Variants in SMAP1 observed in about 807,000 individuals in gnomAD.
SMAP1 encodes small ArfGAP 1.
In SMAP1, 24 loss-of-function variants were observed where a neutral mutation model predicts 58.5. That is an observed-to-expected ratio of 0.41 (90% CI 0.30 to 0.58). The LOEUF is 0.58. Among genes scored for constraint, SMAP1 ranks in the 20% least tolerant of loss-of-function variants. The probability of loss-of-function intolerance (pLI) is 0.29; values close to 1 mark genes in which losing one functional copy is unlikely to be tolerated. For synonymous variants in SMAP1, 216 were observed against 196.6 expected (o/e 1.10, Z -0.82); for missense variants, 563 against 566.3 (o/e 0.99, Z 0.06).
chr6:70,835,795 C>T (rs746802440), intron 6 of SMAP1, among the ~76,000 whole-genome samples: 1 of 152,156 alleles, frequency 6.6e-6, no homozygotes, highest in Non-Finnish European at 1.5e-5. Context: ...GTGTGAGTCA[C>T]TGCACTCAAC....
At chr6:70,709,020 A>T (rs12209357) in intron 1 of SMAP1, among the ~76,000 whole-genome samples, 66,043 of 151,836 alleles carry the variant, frequency 0.43, 14,708 homozygotes, top group South Asian at 0.5. Context: ...TCGCTGTGAT[A>T]TCTAGAAAAT....
intron 2 of SMAP1, among the ~76,000 whole-genome samples, chr6:70,734,073 A>C (rs996753918): frequency 1.3e-5 from 2 of 151,958 alleles, no homozygotes; most frequent in Non-Finnish European, 2.9e-5. Flanking sequence ...ATTGTATTTG[A>C]ACATTATTTG....
chr6:70,675,183 C>A (rs1581978469), intron 1 of SMAP1, among the ~76,000 whole-genome samples: 1 of 138,454 alleles, frequency 7.2e-6, no homozygotes, highest in Non-Finnish European at 1.5e-5. Context: ...CATATATACT[C>A]ACAAATTATA....
At chr6:70,714,867 G>T (rs1231748420) in intron 1 of SMAP1, among the ~76,000 whole-genome samples, 2 of 152,074 alleles carry the variant, frequency 1.3e-5, no homozygotes, top group Non-Finnish European at 2.9e-5. Context: ...GGACAGGATT[G>T]CTGGGTATAG....
intron 6 of SMAP1, among the ~76,000 whole-genome samples, chr6:70,808,901 C>CGT (rs1562176834): frequency 4.6e-4 from 33 of 71,492 alleles, no homozygotes; most frequent in African/African-American, 1.8e-3. Context: ...AGGCTGTTTC[C>CGT]CTGTGTGTGT....
intron 6 of SMAP1, among the ~76,000 whole-genome samples, chr6:70,806,593 G>T (rs1208937482): frequency 6.6e-6 from 1 of 152,188 alleles, no homozygotes; most frequent in East Asian, 1.9e-4. Flanking sequence ...CGTCGATCAT[G>T]CTAGGAGCTG....
intron 7 of SMAP1, among the ~76,000 whole-genome samples, chr6:70,848,140 T>C (rs755572753): frequency 6.6e-6 from 1 of 152,184 alleles, no homozygotes; most frequent in Admixed American, 6.5e-5. Flanking sequence ...GGGCCCATGA[T>C]CAAAAGGATG....
chr6:70,815,247 A>G (rs2149974975), intron 6 of SMAP1, among the ~76,000 whole-genome samples: 1 of 152,270 alleles, frequency 6.6e-6, no homozygotes, highest in South Asian at 2.1e-4. Flanking sequence ...TACCCAGAGG[A>G]CCAAAACTAT....
At chr6:70,714,757 G>C (rs988121991) in intron 1 of SMAP1, among the ~76,000 whole-genome samples, 1 of 152,000 alleles carries the variant, frequency 6.6e-6, no homozygotes, top group African/African-American at 2.4e-5. Context: ...ATTTCAACTT[G>C]AATAACTACC....
At chr6:70,695,618 A>C (rs548817260) in intron 1 of SMAP1, among the ~76,000 whole-genome samples, 1 of 152,340 alleles carries the variant, frequency 6.6e-6, no homozygotes, top group East Asian at 1.9e-4. Flanking sequence ...CTATCATTGC[A>C]TCCTTGGGAT....
At chr6:70,673,955 A>T (rs1184037551) in intron 1 of SMAP1, among the ~76,000 whole-genome samples, 1 of 152,132 alleles carries the variant, frequency 6.6e-6, no homozygotes, top group African/African-American at 2.4e-5. Flanking sequence ...TCATTAATTA[A>T]GGAGGCTTAC....
chr6:70,721,540 C>T (rs541652882), intron 1 of SMAP1, among the ~76,000 whole-genome samples: 4 of 152,314 alleles, frequency 2.6e-5, no homozygotes, highest in African/African-American at 7.2e-5. Context: ...CTGTCCCATC[C>T]TCTGTCTGTT....
At chr6:70,806,333 C>T (rs1164352006) in intron 6 of SMAP1, among the ~76,000 whole-genome samples, 2 of 152,248 alleles carry the variant, frequency 1.3e-5, no homozygotes, top group Admixed American at 1.3e-4. Flanking sequence ...GAGAGAATCT[C>T]CTGGTCTGCC....
At chr6:70,734,164 C>T (rs1031461825) in intron 2 of SMAP1, among the ~76,000 whole-genome samples, 4 of 151,084 alleles carry the variant, frequency 2.6e-5, no homozygotes, top group East Asian at 1.9e-4. Context: ...TTTTTTGAGA[C>T]GGAGTCTCAC....
intron 6 of SMAP1, among the ~76,000 whole-genome samples, chr6:70,836,095 G>A (rs1038409723): frequency 1.3e-5 from 2 of 152,120 alleles, no homozygotes; most frequent in Non-Finnish European, 2.9e-5. Context: ...GTGTGCTCAC[G>A]AAGACTCCAA....
chr6:70,742,249 A>T (rs1283518869), intron 2 of SMAP1, among the ~76,000 whole-genome samples: 1 of 152,196 alleles, frequency 6.6e-6, no homozygotes, highest in East Asian at 1.9e-4. Flanking sequence ...CCAAACTTTT[A>T]GGCTCCGTTT....
chr6:70,749,567 G>C (rs1210251272), intron 2 of SMAP1, among the ~76,000 whole-genome samples: 1 of 151,582 alleles, frequency 6.6e-6, no homozygotes, highest in African/African-American at 2.4e-5. Context: ...TGCAATATCT[G>C]CTTCTCTATT....
At chr6:70,759,832 G>A (rs1045691988) in intron 3 of SMAP1, 8 of 442,512 alleles carry the variant, frequency 1.8e-5, no homozygotes, top group Admixed American at 1.2e-4. Context: ...ACACAGTGAA[G>A]ATATAATACT....
intron 6 of SMAP1, among the ~76,000 whole-genome samples, chr6:70,824,553 T>G (rs1770033206): frequency 1.3e-5 from 2 of 152,194 alleles, no homozygotes; most frequent in South Asian, 4.1e-4. Context: ...TTTACATTCT[T>G]AATATGAATT....
Sources: gnomAD v4.1 joint callset for allele counts (sites outside exome capture counted in the v4.1 genomes callset) on GRCh38, gnomAD v4.1.1 for gene constraint, MANE v1.5 for transcripts, NCBI Gene and HGNC (gene_info 2026-07-23, HGNC 2026-07-21) for gene names.